The following TUT4 variants were observed in gnomAD, a reference collection of about 807,000 sequenced individuals.
TUT4 encodes the protein terminal uridylyl transferase 4, also known as terminal uridylyltransferase 4.
A neutral mutation model predicts 192.2 loss-of-function variants in TUT4; 36 were observed. That is an observed-to-expected ratio of 0.19 (90% confidence interval 0.14 to 0.25). The LOEUF (loss-of-function observed/expected upper bound fraction) is 0.25, where lower values mean the gene tolerates loss of function less well. Among genes scored for constraint, TUT4 ranks in the 10% least tolerant of loss-of-function variants. The pLI, the probability that TUT4 is intolerant of heterozygous loss-of-function variation, is 1.00. For missense variants in TUT4, 1,493 were observed against 1,957.2 expected (o/e 0.76, Z 4.47); for synonymous variants, 618 against 666.0 (o/e 0.93, Z 1.11).
intron 2 of TUT4, among the ~76,000 whole-genome samples, chr1:52,522,154 G>T (rs1400025340): frequency 6.6e-6 from 1 of 152,074 alleles, no homozygotes; most frequent in African/African-American, 2.4e-5. Context: ...TATTATACAT[G>T]AATTTAAAGA....
At chr1:52,469,294 G>C (rs1201642021) in intron 14 of TUT4, among the ~76,000 whole-genome samples, 2 of 151,884 alleles carry the variant, frequency 1.3e-5, no homozygotes, top group Non-Finnish European at 2.9e-5. Context: ...ATGAGGGAGT[G>C]GGGGGAAAGG....
At chr1:52,458,561 G>A (rs2148657316) in intron 19 of TUT4, 112 bp from the exon 20 acceptor site, 1 of 694,434 alleles carries the variant, frequency 1.4e-6, no homozygotes, top group Non-Finnish European at 2.3e-6. Context: ...GTTAAACTGA[G>A]TTAAAAACAA....
At chr1:52,446,916 C>T (rs982367934) in intron 20 of TUT4, among the ~76,000 whole-genome samples, 12 of 152,142 alleles carry the variant, frequency 7.9e-5, no homozygotes, top group Non-Finnish European at 1.2e-4. Context: ...ATGTTATCTA[C>T]TTGACCTATC....
chr1:52,475,998 C>T (rs1166443925), intron 12 of TUT4, among the ~76,000 whole-genome samples: 1 of 152,038 alleles, frequency 6.6e-6, no homozygotes, highest in Non-Finnish European at 1.5e-5. Context: ...GTACACGCCA[C>T]CACGCCCAGC....
At chr1:52,464,324 G>A (rs1373822613) in intron 16 of TUT4, among the ~76,000 whole-genome samples, 6 of 151,832 alleles carry the variant, frequency 4.0e-5, no homozygotes, top group Non-Finnish European at 7.4e-5. Flanking sequence ...GCGTGACCTC[G>A]GCTCACTGCA....
At chr1:52,425,121 TA>T in intron 29 of TUT4, 1 of 395,208 alleles carries the variant, frequency 2.5e-6, no homozygotes, top group South Asian at 9.3e-5. Context: ...CTGATTCATC[TA>T]AACTCCTTTT....
At chr1:52,523,585 C>A (rs1419357347) in intron 2 of TUT4, among the ~76,000 whole-genome samples, 1 of 151,906 alleles carries the variant, frequency 6.6e-6, no homozygotes, top group Non-Finnish European at 1.5e-5. Flanking sequence ...CAGAGCAAAA[C>A]CCTGTCTCAA....
intron 1 of TUT4, among the ~76,000 whole-genome samples, chr1:52,535,949 G>C (rs1684787231): frequency 6.6e-6 from 1 of 152,148 alleles, no homozygotes; most frequent in African/African-American, 2.4e-5. Context: ...TATATTTCCA[G>C]ATAAACAAAA....
intron 1 of TUT4, among the ~76,000 whole-genome samples, chr1:52,551,686 G>GCA (rs148407689): frequency 0.084 from 12,811 of 151,886 alleles, 1,790 homozygotes; most frequent in African/African-American, 0.29. Flanking sequence ...GCTCGCGCGC[G>GCA]CACACACACA....
At chr1:52,446,717 A>T (rs755317196) in intron 20 of TUT4, 50 bp from the exon 21 acceptor site, 3 of 1,398,138 alleles carry the variant, frequency 2.1e-6, no homozygotes, top group Non-Finnish European at 3.0e-6. Flanking sequence ...ATCCAACCCA[A>T]AGGTCCAAAT....
chr1:52,453,025 ACCC>A (rs759504306), intron 20 of TUT4, among the ~76,000 whole-genome samples: 1 of 150,776 alleles, frequency 6.6e-6, no homozygotes, highest in Non-Finnish European at 1.5e-5. Context: ...TATGGGGAAA[ACCC>A]CCCCAACACA....
At chr1:52,492,485 T>C (rs546018935) in intron 7 of TUT4, among the ~76,000 whole-genome samples, 1 of 151,938 alleles carries the variant, frequency 6.6e-6, no homozygotes, top group African/African-American at 2.4e-5. Flanking sequence ...TAGTTTAGCC[T>C]ATCTCATTCT....
intron 9 of TUT4, among the ~76,000 whole-genome samples, chr1:52,486,989 T>G (rs1489480822): frequency 1.3e-5 from 2 of 152,188 alleles, no homozygotes; most frequent in African/African-American, 4.8e-5. Context: ...GGGCATAATT[T>G]AAAAGTACCA....
chr1:52,495,355 T>C, intron 6 of TUT4, 72 bp downstream of exon 6: 1 of 931,396 alleles, frequency 1.1e-6, no homozygotes, highest in South Asian at 1.8e-5. Context: ...CTATCCTTTC[T>C]CTACAAAGAT....
At position 52,475,328 on chromosome 1, in the gene TUT4, T is replaced by C. The variant is rs201809575; in HGVS notation, c.2231A>G (p.Asn744Ser). The C allele has an allele frequency of 9.5e-5, 153 of 1,614,150 alleles. No homozygotes were observed. Among genetic ancestry groups the C allele is most frequent in the Admixed American group, 2.0e-4 (12 of 60,020 alleles). The change falls in exon 13 of 30, where the codon AAT becomes AGT. Residue 744 changes from asparagine (N) to serine (S), a missense_variant. Asn to Ser is a conservative substitution (Grantham distance 46). This residue lies in a region of TUT4 where 245 missense variants were observed against 218.4 expected (regional missense o/e 1.12). Transcript: ENST00000257177. ...KPVKSNNMAT[N>S]GCILLGETTE... ...GGTTTCCCCAAGCAGAATACAACCATTGGTTGCCATATTGTTCGACTTGAC... is the reference window on the plus strand; with the variant it reads ...GGTTTCCCCAAGCAGAATACAACCACTGGTTGCCATATTGTTCGACTTGAC...
intron 20 of TUT4, among the ~76,000 whole-genome samples, chr1:52,453,314 G>A (rs1366865698): frequency 2.0e-5 from 3 of 151,796 alleles, no homozygotes; most frequent in Admixed American, 6.6e-5. Context: ...CCCAGGAGGC[G>A]GAGGCTGGAG....
intron 4 of TUT4, among the ~76,000 whole-genome samples, chr1:52,498,445 C>T (rs1242790737): frequency 1.3e-5 from 2 of 151,874 alleles, no homozygotes; most frequent in Non-Finnish European, 2.9e-5. Context: ...GGGGTTTCAC[C>T]GTGTTAGCCA....
rs1255639945 is a variant in TUT4 at position 52,526,213 on chromosome 1, C to T, written c.68G>A (p.Ser23Asn). Residue 23 changes from serine (S) to asparagine (N), a missense_variant, in exon 2 of 30, where the codon AGC becomes AAC. Physicochemically the swap from Ser to Asn is conservative, Grantham distance 46. Around this residue, in one of 7 missense-constraint regions of TUT4, gnomAD observed 260 missense variants for 247.8 expected, o/e 1.05. Transcript: ENST00000257177. The stretch of plus-strand genomic sequence containing the variant: ...ATTACCTATAACTTGAACTGCTTTG[C>T]TTTCTTCACAAATAACATTCTTCTT... ...EPKKNVICEE[S>N]KAVQVIGNQT... The T allele has an allele frequency of 9.4e-6, 15 of 1,601,000 alleles. No homozygotes were observed. The highest frequency in any genetic ancestry group is 1.3e-5 in the Non-Finnish European group (15 of 1,177,450).
intron 1 of TUT4, among the ~76,000 whole-genome samples, chr1:52,551,456 C>A (rs898418259): frequency 6.6e-6 from 1 of 152,058 alleles, no homozygotes; most frequent in East Asian, 1.9e-4. Context: ...AAGCATAAAA[C>A]GACTTAAAAT....
Sources: allele counts gnomAD v4.1 joint callset (sites outside exome capture counted in the v4.1 genomes callset), GRCh38; gene constraint gnomAD v4.1.1; regional missense constraint gnomAD v4.1.1; transcripts MANE v1.5; gene names NCBI Gene and HGNC (gene_info 2026-07-23, HGNC 2026-07-21).